The following ARID1A variants were observed in gnomAD, a reference collection of about 807,000 sequenced individuals.
The protein encoded by ARID1A is AT-rich interactive domain-containing protein 1A.
In ARID1A, 20 loss-of-function variants were observed where a neutral mutation model predicts 212.6. The observed-to-expected ratio is 0.09, with a 90% confidence interval of 0.07 to 0.14. ARID1A has a LOEUF of 0.14. Ranked by LOEUF, ARID1A falls within the 10% of genes least tolerant of loss-of-function variation. The pLI is 1.00. For synonymous variants in ARID1A, 1,376 were observed against 1,222.1 expected (o/e 1.13, Z -2.63); for missense variants, 2,587 against 3,059.0 (o/e 0.85, Z 3.64).
chr1:26,699,094 C>G (rs2124747978), intron 1 of ARID1A, among the ~76,000 whole-genome samples: 1 of 152,208 alleles, frequency 6.6e-6, no homozygotes. Flanking sequence ...GTCTAGTTTT[C>G]TGTTTTGTCA....
At chr1:26,743,452 C>G (rs1440842123) in intron 4 of ARID1A, among the ~76,000 whole-genome samples, 3 of 152,098 alleles carry the variant, frequency 2.0e-5, no homozygotes, top group Non-Finnish European at 4.4e-5. Flanking sequence ...CTCCTAGATT[C>G]TTGCTACCTA....
chr1:26,738,593 C>T lies in ARID1A; in HGVS notation c.1920+5801C>T, dbSNP rs900886554. Among the ~76,000 whole-genome samples, 26 of 152,262 alleles carry T rather than the reference C, an allele frequency of 1.7e-4. 1 individual carries two copies. Among genetic ancestry groups the T allele is most frequent in the Admixed American group, 1.5e-3 (23 of 15,296 alleles). On this transcript the variant is annotated intron_variant, in intron 4 of 19. Coordinates refer to ENST00000324856, the MANE Select transcript of ARID1A (RefSeq NM_006015.6). ...TTGACTGTATTACCAGAGTCTTGCT[C>T]TGTCACCCAGGCTGGAGTGCAGTGG...
intron 1 of ARID1A, among the ~76,000 whole-genome samples, chr1:26,714,706 C>T (rs1323091104): frequency 3.3e-5 from 5 of 152,230 alleles, no homozygotes; most frequent in East Asian, 1.9e-4. Context: ...TGAGCCACCG[C>T]GCCGCATATA....
At chr1:26,730,236 T>G (rs1392619256) in intron 2 of ARID1A, among the ~76,000 whole-genome samples, 1 of 152,220 alleles carries the variant, frequency 6.6e-6, no homozygotes, top group Non-Finnish European at 1.5e-5. Flanking sequence ...AGAGGCCCTT[T>G]ATGCTTCTGA....
intron 4 of ARID1A, among the ~76,000 whole-genome samples, chr1:26,733,777 C>A (rs753936823): frequency 6.6e-5 from 10 of 152,174 alleles, no homozygotes; most frequent in Admixed American, 3.3e-4. Context: ...CAGCCACATA[C>A]CCAGATAAGA....
At position 26,697,510 on chromosome 1, in the gene ARID1A, C is replaced by T. The variant is rs2080284037; in HGVS notation, c.1107C>T (p.Gly369=). 4 of 1,404,750 alleles carry T rather than the reference C, an allele frequency of 2.8e-6. No homozygotes were observed. Among genetic ancestry groups the T allele is most frequent in the Non-Finnish European group, 3.7e-6 (4 of 1,086,838 alleles). 87.0% of individuals were successfully genotyped at this position (1,404,750 alleles called of 1,614,324 possible). The change falls in exon 1 of 20, where the codon GGC becomes GGT. Residue 369 remains glycine (G), a synonymous_variant. Coordinates refer to ENST00000324856, the MANE Select transcript of ARID1A (RefSeq NM_006015.6). ...HAPMSPGSSG[G]GGQPLARTPQ... ...CCATGAGCCCCGGGAGCAGCGGCGG[C>T]GGGGGGCAGCCGCTCGCCCGGACCC...
At chr1:26,768,095 G>A (rs2081054223) in intron 11 of ARID1A, 96 bp downstream of exon 11, 1 of 1,312,720 alleles carries the variant, frequency 7.6e-7, no homozygotes, top group Non-Finnish European at 1.1e-6. Context: ...ATCCCACAGG[G>A]ACATCATCCC....
intron 4 of ARID1A, among the ~76,000 whole-genome samples, chr1:26,734,492 G>T (rs1027051350): frequency 3.3e-5 from 5 of 152,066 alleles, no homozygotes; most frequent in African/African-American, 1.2e-4. Flanking sequence ...GGGGATGGTT[G>T]TTCCTGGGAA....
chr1:26,763,379 G>T, intron 8 of ARID1A, 94 bp downstream of exon 8: 2 of 1,366,090 alleles, frequency 1.5e-6, no homozygotes, highest in Non-Finnish European at 2.0e-6. Context: ...AAACCAGGGG[G>T]GGAAAATGGG....
At chr1:26,739,719 C>T (rs2080769298) in intron 4 of ARID1A, among the ~76,000 whole-genome samples, 2 of 152,152 alleles carry the variant, frequency 1.3e-5, no homozygotes, top group East Asian at 3.9e-4. Flanking sequence ...CCAGTACCAC[C>T]CTGGGAGCTC....
At chr1:26,748,574 C>T (rs1488362617) in intron 4 of ARID1A, among the ~76,000 whole-genome samples, 1 of 150,364 alleles carries the variant, frequency 6.7e-6, no homozygotes, top group Non-Finnish European at 1.5e-5. Context: ...CTGCTCTTGG[C>T]TGCTGTAACT....
chr1:26,729,515 T>G, intron 1 of ARID1A, 136 bp from the exon 2 acceptor site: 1 of 959,222 alleles, frequency 1.0e-6, no homozygotes, highest in Non-Finnish European at 1.6e-6. Flanking sequence ...GGTTACTAGG[T>G]TGGTCTCATT....
intron 12 of ARID1A, 68 bp from the exon 13 acceptor site, chr1:26,772,432 G>C (rs142563091): frequency 3.7e-6 from 6 of 1,604,938 alleles, no homozygotes; most frequent in Non-Finnish European, 5.1e-6. Flanking sequence ...TGGGTCGTTC[G>C]TGTGTTTGTG....
rs2124107882 is a variant in ARID1A, at chr1:26,772,948, T to A, written c.3676T>A (p.Tyr1226Asn). The A allele has an allele frequency of 1.2e-6, 2 of 1,613,642 alleles. No homozygotes were observed. Among genetic ancestry groups the A allele is most frequent in the Non-Finnish European group, 1.7e-6 (2 of 1,179,638 alleles). The change falls in exon 14 of 20, where the codon TAT becomes AAT. Residue 1226 changes from tyrosine to asparagine, a missense_variant. This residue lies in a region of ARID1A where 890 missense variants were observed against 1,098.2 expected (regional missense o/e 0.81). Transcript: ENST00000324856. Reference sequence around the variant, plus strand: ...CTCTGACATGATGGGGCGCATGTCCTATGAGCCAAATAAGGATCCTTATGG... The same window carrying A: ...CTCTGACATGATGGGGCGCATGTCCAATGAGCCAAATAAGGATCCTTATGG... ...NTSDMMGRMS[Y>N]EPNKDPYGSM...
intron 1 of ARID1A, among the ~76,000 whole-genome samples, chr1:26,724,548 G>A (rs980385832): frequency 3.3e-5 from 5 of 152,130 alleles, no homozygotes; most frequent in African/African-American, 7.2e-5. Context: ...CTCTCTCCTC[G>A]GTCATGGTCA....
At chr1:26,700,578 A>G (rs1439731034) in intron 1 of ARID1A, among the ~76,000 whole-genome samples, 5 of 152,256 alleles carry the variant, frequency 3.3e-5, no homozygotes, top group African/African-American at 1.2e-4. Context: ...TTTAGCAATA[A>G]TACTTTGAGA....
intron 1 of ARID1A, among the ~76,000 whole-genome samples, chr1:26,707,518 T>G (rs987594927): frequency 1.3e-5 from 2 of 152,032 alleles, no homozygotes; most frequent in African/African-American, 4.8e-5. Flanking sequence ...AATGTTTGTA[T>G]TTTTAGTAGA....
chr1:26,719,941 C>CAAAAAAAAA (rs1213565550), intron 1 of ARID1A, among the ~76,000 whole-genome samples: 1 of 49,682 alleles, frequency 2.0e-5, no homozygotes, highest in Non-Finnish European at 3.9e-5. Flanking sequence ...AAGTCCGTCT[C>CAAAAAAAAA]AAAAAAAAAA....
chr1:26,768,124 C>A, intron 11 of ARID1A, 125 bp downstream of exon 11: 2 of 1,103,700 alleles, frequency 1.8e-6, no homozygotes, highest in Middle Eastern at 3.0e-4. Context: ...CTTTCTGAGT[C>A]TAATATTGAT....
Sources: gnomAD v4.1 joint callset for allele counts (sites outside exome capture counted in the v4.1 genomes callset) on GRCh38, gnomAD v4.1.1 for gene constraint, gnomAD v4.1.1 regional missense constraint, MANE v1.5 for transcripts, NCBI Gene and HGNC (gene_info 2026-07-23, HGNC 2026-07-21) for gene names.